VPS13B: variants seen among roughly 807,000 people sequenced by gnomAD.
VPS13B encodes the protein vacuolar protein sorting 13 homolog B.
VPS13B carries 285 observed loss-of-function variants against 426.4 expected under a neutral mutation model. That is an observed-to-expected ratio of 0.67 (90% CI 0.61 to 0.74). VPS13B has a LOEUF of 0.74. Among genes scored for constraint, VPS13B ranks in the 30% least tolerant of loss-of-function variants. The probability of loss-of-function intolerance (pLI) is 0.00; values close to 1 mark genes in which losing one functional copy is unlikely to be tolerated. For missense variants in VPS13B, 4,537 were observed against 4,782.6 expected, an observed-to-expected ratio of 0.95 and a Z score of 1.51; for synonymous variants, 1,676 against 1,676.4, an observed-to-expected ratio of 1.00 and a Z score of 0.01.
intron 35 of VPS13B, among the ~76,000 whole-genome samples, chr8:99,673,378 T>C (rs1830797546): frequency 6.6e-6 from 1 of 152,048 alleles, no homozygotes. Flanking sequence ...TGTCCCGGAA[T>C]TTATCCATTA....
intron 19 of VPS13B, among the ~76,000 whole-genome samples, chr8:99,329,787 A>G (rs1370870571): frequency 6.6e-6 from 1 of 152,086 alleles, no homozygotes. Flanking sequence ...ACTGCAACAT[A>G]GTGAATCTAA....
intron 31 of VPS13B, among the ~76,000 whole-genome samples, chr8:99,574,514 T>C (rs986900409): frequency 6.6e-5 from 10 of 152,246 alleles, no homozygotes; most frequent in African/African-American, 2.4e-4. Flanking sequence ...GCATGAAGCG[T>C]TGTTGAATTT....
chr8:99,281,876 T>C (rs983542367), intron 19 of VPS13B, among the ~76,000 whole-genome samples: 1 of 152,232 alleles, frequency 6.6e-6, no homozygotes, highest in Non-Finnish European at 1.5e-5. Context: ...TCTTTGTATC[T>C]GAATGATCTA....
chr8:99,777,190 G>C (rs1811784879), intron 41 of VPS13B, among the ~76,000 whole-genome samples: 1 of 152,120 alleles, frequency 6.6e-6, no homozygotes, highest in South Asian at 2.1e-4. Context: ...ACATGTTTTT[G>C]AATGCTACCT....
intron 30 of VPS13B, among the ~76,000 whole-genome samples, chr8:99,527,660 C>T (rs1588464481): frequency 6.6e-6 from 1 of 151,892 alleles, no homozygotes; most frequent in South Asian, 2.1e-4. Context: ...TGTCTCAAGC[C>T]AAAAGAGAAG....
At chr8:99,829,217 G>A (rs545163745) in intron 51 of VPS13B, among the ~76,000 whole-genome samples, 36 of 152,224 alleles carry the variant, frequency 2.4e-4, no homozygotes, top group Non-Finnish European at 4.1e-4. Flanking sequence ...CATTCTCCCC[G>A]TCACTTTTAG....
rs1248543419 is a variant in VPS13B, at chr8:99,515,537, A to G, written c.4633+4025A>G. Among the ~76,000 whole-genome samples the G allele has an allele frequency of 2.0e-5, 3 of 152,142 alleles. No homozygotes were observed. In the East Asian group the frequency reaches 5.8e-4, roughly 29 times the overall value. On this transcript the variant is annotated intron_variant, in intron 29 of 61. Coordinates refer to ENST00000357162, the MANE Select transcript of VPS13B (RefSeq NM_152564.5). The stretch of plus-strand genomic sequence containing the variant: ...TAGGTACTTCCTAAGGTCACCTTGA[A>G]TAAGAGTATGTGAGATTGGGGAAGG...
chr8:99,148,769 T>C (rs1810891366), intron 14 of VPS13B, among the ~76,000 whole-genome samples: 1 of 152,218 alleles, frequency 6.6e-6, no homozygotes, highest in African/African-American at 2.4e-5. Context: ...CCCCTGTCCC[T>C]TGTTCTATAG....
At chr8:99,690,733 A>G (rs920348290) in intron 35 of VPS13B, among the ~76,000 whole-genome samples, 1 of 152,240 alleles carries the variant, frequency 6.6e-6, no homozygotes, top group African/African-American at 2.4e-5. Context: ...CCAAGAATAT[A>G]TACAGTCAAT....
At chr8:99,099,383 A>G (rs1195806216) in intron 4 of VPS13B, among the ~76,000 whole-genome samples, 2 of 152,186 alleles carry the variant, frequency 1.3e-5, no homozygotes, top group Non-Finnish European at 2.9e-5. Flanking sequence ...TATGTACTGT[A>G]ACCAAGTCAT....
intron 39 of VPS13B, among the ~76,000 whole-genome samples, chr8:99,728,620 A>G (rs1234643632): frequency 6.6e-6 from 1 of 152,198 alleles, no homozygotes; most frequent in East Asian, 1.9e-4. Context: ...AATAATTGTT[A>G]GGGATGCTGG....
In VPS13B at chr8:99,854,118, T is replaced by G. The variant is rs1399532248; in HGVS notation, c.10729T>G (p.Ser3577Ala). The G allele has an allele frequency of 6.2e-7, 1 of 1,613,022 alleles. No homozygotes were observed. Among genetic ancestry groups the G allele is most frequent in the Non-Finnish European group, 8.5e-7 (1 of 1,179,404 alleles). The change falls in exon 56 of 62, where the codon TCC becomes GCC. Residue 3577 changes from serine to alanine, a missense_variant. Coordinates refer to ENST00000357162, the MANE Select transcript of VPS13B (RefSeq NM_152564.5). Reference protein sequence around the residue: ...PVNLLVSIHASLKLYIASDHT... With the variant: ...PVNLLVSIHAALKLYIASDHT... ...AAATTTGCTCGTCAGCATCCACGCTTCCCTCAAGCTGTACATAGCCTCAGA... is the reference window on the plus strand; with the variant it reads ...AAATTTGCTCGTCAGCATCCACGCTGCCCTCAAGCTGTACATAGCCTCAGA...
At chr8:99,079,964 C>T (rs1845354631) in intron 3 of VPS13B, among the ~76,000 whole-genome samples, 1 of 150,034 alleles carries the variant, frequency 6.7e-6, no homozygotes, top group Middle Eastern at 3.5e-3. Context: ...AAAAAAATTG[C>T]CTGTTCAAGT....
rs756509488 is a variant in VPS13B, at chr8:99,289,100, AGAAAG to A, written c.2824+13847_2824+13851del. Among the ~76,000 whole-genome samples, 263 of 152,014 alleles carry A rather than the reference AGAAAG, an allele frequency of 1.7e-3. 1 individual carries two copies. Among genetic ancestry groups the A allele is most frequent in the Non-Finnish European group, 2.4e-3 (162 of 67,968 alleles). ...GAAGGAAGGAAAGAAAGAAAGAAAAAGAAAGAAAGAAAGGGAAATCAGGGTCAACT... is the reference window on the plus strand; with the variant it reads ...GAAGGAAGGAAAGAAAGAAAGAAAAAAAAGAAAGGGAAATCAGGGTCAACT... On this transcript the variant is annotated intron_variant, in intron 19 of 61. Transcript: ENST00000357162.
intron 19 of VPS13B, among the ~76,000 whole-genome samples, chr8:99,382,622 AGTT>A (rs1314367974): frequency 6.6e-6 from 1 of 152,110 alleles, no homozygotes; most frequent in Non-Finnish European, 1.5e-5. Flanking sequence ...TCAACTTGAC[AGTT>A]GTTAGTGTAT....
At chr8:99,438,840 C>T (rs971616646) in intron 22 of VPS13B, among the ~76,000 whole-genome samples, 11 of 152,028 alleles carry the variant, frequency 7.2e-5, no homozygotes, top group Admixed American at 3.9e-4. Context: ...ATAGTGAAAC[C>T]GTAAGCAACA....
chr8:99,540,561 G>A lies in VPS13B; in HGVS notation c.4746-15889G>A, dbSNP rs552736087. On this transcript the variant is annotated intron_variant, in intron 30 of 61. Transcript: ENST00000357162. The stretch of plus-strand genomic sequence containing the variant: ...CTTTTGCCTCAGCACATATGCTAAG[G>A]TGTGAAGAATATCCTTTTTCACAAG... Among the ~76,000 whole-genome samples the A allele has an allele frequency of 2.6e-5, 4 of 152,154 alleles. No homozygotes were observed. The East Asian group carries it at 7.7e-4, about 29-fold the overall frequency.
At chr8:99,209,281 CA>C (rs1397074851) in intron 17 of VPS13B, among the ~76,000 whole-genome samples, 2 of 97,302 alleles carry the variant, frequency 2.1e-5, no homozygotes, top group African/African-American at 3.8e-5. Flanking sequence ...GGCTCCATCT[CA>C]AAAAAAAAAC....
At chr8:99,677,422 G>A (rs1042606795) in intron 35 of VPS13B, among the ~76,000 whole-genome samples, 1 of 152,080 alleles carries the variant, frequency 6.6e-6, no homozygotes, top group Non-Finnish European at 1.5e-5. Flanking sequence ...ATCATAGTTT[G>A]TTTTCTCTGT....
Sources: gnomAD v4.1 joint callset for allele counts (sites outside exome capture counted in the v4.1 genomes callset) on GRCh38, gnomAD v4.1.1 for gene constraint, MANE v1.5 for transcripts, NCBI Gene and HGNC (gene_info 2026-07-23, HGNC 2026-07-21) for gene names.